Variants in OPRM1 observed in about 807,000 individuals in gnomAD.
OPRM1 encodes the protein mu-type opioid receptor.
In OPRM1, 27 loss-of-function variants were observed where a neutral mutation model predicts 31.8. The ratio of observed to expected loss-of-function variants is 0.85; its 90% CI spans 0.63 to 1.17. The LOEUF is 1.17. Among genes scored for constraint, OPRM1 ranks in the 50% most tolerant of loss-of-function variants. OPRM1 has a pLI of 0.00. For synonymous variants in OPRM1, 196 were observed against 189.9 expected (o/e 1.03, Z -0.26); for missense variants, 536 against 511.1 (o/e 1.05, Z -0.47).
chr6:154,087,135 A>G, intron 1 of OPRM1: 8 of 985,442 alleles, frequency 8.1e-6, no homozygotes, highest in Non-Finnish European at 9.6e-6. Context: ...AGTCCAAAAA[A>G]AAGCCCCCAA....
intron 1 of OPRM1, among the ~76,000 whole-genome samples, chr6:154,061,189 T>G (rs1475143601): frequency 6.6e-6 from 1 of 152,100 alleles, no homozygotes; most frequent in African/African-American, 2.4e-5. Context: ...CTTGGCAAAA[T>G]GGGCCAGGAA....
chr6:154,179,411 A>G (rs1800641951), intron 3 of OPRM1, among the ~76,000 whole-genome samples: 1 of 151,840 alleles, frequency 6.6e-6, no homozygotes, highest in South Asian at 2.1e-4. Flanking sequence ...CTTATCTTAC[A>G]AGATCATAAA....
chr6:154,107,952 TTTTTTATTTTATTTTA>T lies in OPRM1; in HGVS notation c.1165-10726_1165-10711del, dbSNP rs1372441466. The T allele has an allele frequency of 2.3e-4, 97 of 430,070 alleles. 4 individuals are homozygous for T. Among genetic ancestry groups the T allele is most frequent in the Middle Eastern group, 1.9e-3 (4 of 2,162 alleles). 26.6% of individuals were successfully genotyped at this position (430,070 alleles called of 1,614,324 possible). ...CTTTACAGAGGAGATAAACACTGAT[TTTTTTATTTTATTTTA>T]TTTTATTTTATTTTATTTTATTGCC... is the stretch of plus-strand genomic sequence containing the variant. On this transcript the variant is annotated intron_variant, in intron 3 of 3. Coordinates refer to ENST00000330432, the MANE Select transcript of OPRM1 (RefSeq NM_000914.5).
chr6:154,152,185 A>AAG (rs71021027), intron 3 of OPRM1, among the ~76,000 whole-genome samples: 8,490 of 144,052 alleles, frequency 0.059, 912 homozygotes, highest in African/African-American at 0.2. Flanking sequence ...AAAAAAAAGA[A>AAG]AGAGAGAGAG....
At chr6:154,229,699 A>T (rs1412736157) in intron 3 of OPRM1, among the ~76,000 whole-genome samples, 1 of 152,132 alleles carries the variant, frequency 6.6e-6, no homozygotes, top group Non-Finnish European at 1.5e-5. Context: ...TTGCCATACA[A>T]CTGAGCAATT....
chr6:154,101,815 A>G (rs912108442), intron 3 of OPRM1, among the ~76,000 whole-genome samples: 1 of 152,248 alleles, frequency 6.6e-6, no homozygotes, highest in Admixed American at 6.5e-5. Context: ...TGTGTAAATA[A>G]AAAGTCAGAT....
chr6:154,130,401 C>T lies in OPRM1; in HGVS notation c.*11680C>T, dbSNP rs941694238. ...GCCAGGATGGTTTCGATCTCCTGAC[C>T]TCGTGATCTGCCTGCCTCGGCCTCC... is the stretch of plus-strand genomic sequence containing the variant. On this transcript the variant is annotated 3_prime_UTR_variant, in exon 4 of 4. Transcript: ENST00000330432. Among the ~76,000 whole-genome samples the T allele has an allele frequency of 6.6e-6, 1 of 152,058 alleles. No homozygotes were observed. The highest frequency in any genetic ancestry group is 1.5e-5 in the Non-Finnish European group (1 of 68,002).
chr6:154,017,063 C>G (rs1260365969), intron 1 of OPRM1, among the ~76,000 whole-genome samples: 1 of 152,140 alleles, frequency 6.6e-6, no homozygotes, highest in Non-Finnish European at 1.5e-5. Flanking sequence ...GATTTTGACA[C>G]AAAATTGACT....
In OPRM1 at chr6:154,128,650, T is replaced by C. The variant is rs905660886; in HGVS notation, c.*9929T>C. Among the ~76,000 whole-genome samples the C allele has an allele frequency of 1.3e-5, 2 of 152,334 alleles. No homozygotes were observed. The highest frequency in any genetic ancestry group is 2.1e-4 in the South Asian group (1 of 4,824). ...GTTTTATCATTGATCCTGAAGACAGTTGAAGCAATCATACTGGTTGTTCTC... is the reference window on the plus strand; with the variant it reads ...GTTTTATCATTGATCCTGAAGACAGCTGAAGCAATCATACTGGTTGTTCTC... On this transcript the variant is annotated 3_prime_UTR_variant, in exon 4 of 4. Coordinates refer to ENST00000330432, the MANE Select transcript of OPRM1 (RefSeq NM_000914.5).
At chr6:154,190,096 A>T (rs1365849603) in intron 3 of OPRM1, among the ~76,000 whole-genome samples, 1 of 152,204 alleles carries the variant, frequency 6.6e-6, no homozygotes, top group South Asian at 2.1e-4. Context: ...TGTACTTCCT[A>T]TACTTATATT....
chr6:154,115,797 T>G (rs1796811368), intron 3 of OPRM1, among the ~76,000 whole-genome samples: 1 of 152,216 alleles, frequency 6.6e-6, no homozygotes, highest in African/African-American at 2.4e-5. Context: ...GGAATCTGTT[T>G]CTATAAAGGA....
chr6:154,104,434 T>C (rs1047348616), intron 3 of OPRM1, among the ~76,000 whole-genome samples: 1 of 152,194 alleles, frequency 6.6e-6, no homozygotes, highest in Admixed American at 6.5e-5. Flanking sequence ...TGATATGGGG[T>C]TGTTAGCTGA....
intron 3 of OPRM1, among the ~76,000 whole-genome samples, chr6:154,212,202 T>C (rs1039092892): frequency 5.9e-5 from 9 of 152,330 alleles, no homozygotes; most frequent in South Asian, 2.1e-4. Flanking sequence ...TAACTCTCCA[T>C]AGACTTCACA....
At chr6:154,094,402 C>A (rs1236720506) in intron 3 of OPRM1, 7 of 408,480 alleles carry the variant, frequency 1.7e-5, no homozygotes, top group African/African-American at 1.5e-4. Flanking sequence ...GCTCAGTCAG[C>A]TTTTGTTACA....
intron 3 of OPRM1, among the ~76,000 whole-genome samples, chr6:154,244,659 T>C (rs553827602): frequency 5.9e-5 from 9 of 152,306 alleles, no homozygotes; most frequent in Admixed American, 5.9e-4. Flanking sequence ...AACTCATTTC[T>C]CCTCTAAGAG....
intron 3 of OPRM1, among the ~76,000 whole-genome samples, chr6:154,101,095 C>G (rs953372817): frequency 2.6e-5 from 4 of 151,690 alleles, no homozygotes; most frequent in Non-Finnish European, 5.9e-5. Context: ...ATAAGAATAA[C>G]TTAATCAACA....
At chr6:154,196,104 T>C (rs1776606508) in intron 3 of OPRM1, among the ~76,000 whole-genome samples, 1 of 152,166 alleles carries the variant, frequency 6.6e-6, no homozygotes, top group African/African-American at 2.4e-5. Flanking sequence ...TGGTTCACAT[T>C]TTATTCACTT....
intron 3 of OPRM1, among the ~76,000 whole-genome samples, chr6:154,177,309 G>A (rs1800417854): frequency 6.6e-6 from 1 of 152,178 alleles, no homozygotes; most frequent in Non-Finnish European, 1.5e-5. Context: ...AAACTAAGAA[G>A]CTTCTGCACA....
At chr6:154,209,927 C>A (rs745701914) in intron 3 of OPRM1, among the ~76,000 whole-genome samples, 6 of 152,142 alleles carry the variant, frequency 3.9e-5, no homozygotes, top group Non-Finnish European at 8.8e-5. Flanking sequence ...CTTAGAACTT[C>A]TAAAAAATAA....
Sources: gnomAD v4.1 joint callset for allele counts (sites outside exome capture counted in the v4.1 genomes callset) on GRCh38, gnomAD v4.1.1 for gene constraint, MANE v1.5 for transcripts, NCBI Gene and HGNC (gene_info 2026-07-23, HGNC 2026-07-21) for gene names.